The following ATAT1 variants were observed in gnomAD, a reference collection of about 807,000 sequenced individuals.
The protein encoded by ATAT1 is alpha tubulin acetyltransferase 1, also known as alpha-tubulin N-acetyltransferase 1.
Under a neutral mutation model 57.2 loss-of-function variants are expected in ATAT1, and 42 were observed. The ratio of observed to expected loss-of-function variants is 0.73; its 90% CI spans 0.57 to 0.95. The LOEUF (loss-of-function observed/expected upper bound fraction) is 0.95, where lower values mean the gene tolerates loss of function less well. Among genes scored for constraint, ATAT1 ranks in the 40% least tolerant of loss-of-function variants. The pLI, the probability that ATAT1 is intolerant of heterozygous loss-of-function variation, is 0.00. For synonymous variants in ATAT1, 168 were observed against 187.1 expected (o/e 0.90, Z 0.83); for missense variants, 454 against 523.7 (o/e 0.87, Z 1.30).
intron 6 of ATAT1, among the ~76,000 whole-genome samples, chr6:30,639,460 T>C (rs984627187): frequency 2.6e-5 from 4 of 151,688 alleles, no homozygotes; most frequent in Non-Finnish European, 4.4e-5. Flanking sequence ...ATTCTGTAGA[T>C]TGTCTTTTCA....
chr6:30,629,555 A>G (rs1762395249), intron 6 of ATAT1, among the ~76,000 whole-genome samples: 1 of 141,324 alleles, frequency 7.1e-6, no homozygotes, highest in South Asian at 2.2e-4. Flanking sequence ...CTTATGCCTA[A>G]TTTTTTTTTG....
At chr6:30,633,370 C>G (rs1220273703) in intron 6 of ATAT1, among the ~76,000 whole-genome samples, 1 of 152,078 alleles carries the variant, frequency 6.6e-6, no homozygotes, top group African/African-American at 2.4e-5. Flanking sequence ...TATCTAAAGC[C>G]AACAGACAGG....
chr6:30,635,364 C>T (rs948138874), intron 6 of ATAT1, among the ~76,000 whole-genome samples: 5 of 151,836 alleles, frequency 3.3e-5, no homozygotes, highest in Non-Finnish European at 5.9e-5. Context: ...TTTGGGAGGC[C>T]GAGTCGGGTG....
chr6:30,634,663 G>GA (rs9278741), intron 6 of ATAT1, among the ~76,000 whole-genome samples: 1,794 of 83,930 alleles, frequency 0.021, 24 homozygotes, highest in Non-Finnish European at 0.028. Context: ...CTCAAAGGAG[G>GA]AAAAAAAAAA....
intron 6 of ATAT1, among the ~76,000 whole-genome samples, chr6:30,638,600 GTCTC>G (rs1311897314): frequency 1.3e-5 from 2 of 150,526 alleles, no homozygotes; most frequent in South Asian, 2.1e-4. Flanking sequence ...TTGAGACGGA[GTCTC>G]TCTCTGTCGC....
chr6:30,642,833 G>GGGGCCCCCCCCCC lies in ATAT1; in HGVS notation c.754_755insGGGCCCCCCCCCC (p.Ala252GlyfsTer52). 4 of 1,537,872 alleles carry GGGGCCCCCCCCCC rather than the reference G, an allele frequency of 2.6e-6. No homozygotes were observed. Among genetic ancestry groups the GGGGCCCCCCCCCC allele is most frequent in the Non-Finnish European group, 3.5e-6 (4 of 1,145,778 alleles). ...GGCCCCTCGCCGCGCCACACCTCCA[G>GGGGCCCCCCCCCC]CCCACCCACCCCCCCGCTCCAGCAG... is the stretch of plus-strand genomic sequence containing the variant. On this transcript the variant is annotated frameshift_variant, in exon 10 of 13. Transcript: ENST00000330083. LOFTEE classifies it high-confidence loss of function.
intron 6 of ATAT1, among the ~76,000 whole-genome samples, chr6:30,635,258 A>G (rs550942828): frequency 6.6e-6 from 1 of 152,314 alleles, no homozygotes; most frequent in African/African-American, 2.4e-5. Context: ...GAAGTTAAGG[A>G]AGAGAAGAAG....
intron 6 of ATAT1, among the ~76,000 whole-genome samples, chr6:30,631,939 G>A (rs1415899890): frequency 2.0e-5 from 3 of 152,146 alleles, no homozygotes; most frequent in Non-Finnish European, 4.4e-5. Context: ...GAGTATGGTA[G>A]GAGATGAGAC....
chr6:30,639,065 C>T (rs1347469115), intron 6 of ATAT1, among the ~76,000 whole-genome samples: 1 of 152,088 alleles, frequency 6.6e-6, no homozygotes, highest in Admixed American at 6.6e-5. Context: ...ACTGCAACCT[C>T]CGCCTCCTGG....
At chr6:30,632,940 CAA>C (rs9257002) in intron 6 of ATAT1, among the ~76,000 whole-genome samples, 3,626 of 127,210 alleles carry the variant, frequency 0.029, 118 homozygotes, top group African/African-American at 0.085. Context: ...GACCCCATAT[CAA>C]AAAAAAAAAA....
At chr6:30,632,680 G>A in intron 6 of ATAT1, among the ~76,000 whole-genome samples, 1 of 152,040 alleles carries the variant, frequency 6.6e-6, no homozygotes, top group Non-Finnish European at 1.5e-5. Context: ...GCTCACACCT[G>A]TAATCCTAGC....
chr6:30,646,762 C>G lies in ATAT1; in HGVS notation c.*119C>G, dbSNP rs1225594201. The G allele has an allele frequency of 7.4e-7, 1 of 1,346,408 alleles. No homozygotes were observed. Among genetic ancestry groups the G allele is most frequent in the African/African-American group, 1.5e-5 (1 of 67,096 alleles). The allele number at this position is 1,346,408 out of a possible 1,614,324, so 83.4% of individuals were successfully genotyped here. On this transcript the variant is annotated 3_prime_UTR_variant, in exon 13 of 13. Coordinates refer to ENST00000330083, the MANE Select transcript of ATAT1 (RefSeq NM_001031722.4). ...TCATTCATTCATTCAGCAGGCTTAT[C>G]AGATTCAAGTCATTTGTATCTTTTA...
chr6:30,630,182 G>T (rs913924041), intron 6 of ATAT1, among the ~76,000 whole-genome samples: 1 of 152,032 alleles, frequency 6.6e-6, no homozygotes, highest in African/African-American at 2.4e-5. Context: ...TTAGCCAGGC[G>T]TGGTGGCACG....
intron 6 of ATAT1, among the ~76,000 whole-genome samples, chr6:30,637,326 A>C (rs183017771): frequency 6.6e-6 from 1 of 152,166 alleles, no homozygotes; most frequent in Admixed American, 6.5e-5. Flanking sequence ...AGTAAATAGT[A>C]GAGTCCACAT....
intron 6 of ATAT1, among the ~76,000 whole-genome samples, chr6:30,637,736 G>A (rs945644831): frequency 3.3e-5 from 5 of 151,068 alleles, no homozygotes; most frequent in Admixed American, 1.3e-4. Flanking sequence ...CCAGCACTTT[G>A]GAAGGCCAAG....
At chr6:30,630,113 C>T (rs1447877165) in intron 6 of ATAT1, among the ~76,000 whole-genome samples, 1 of 151,982 alleles carries the variant, frequency 6.6e-6, no homozygotes, top group Non-Finnish European at 1.5e-5. Flanking sequence ...CTCAATGAAA[C>T]AGACAACAGC....
chr6:30,632,159 T>C lies in ATAT1; in HGVS notation c.501+3729T>C, dbSNP rs999873804. Among the ~76,000 whole-genome samples, 33 of 151,260 alleles carry C rather than the reference T, an allele frequency of 2.2e-4. 1 individual carries two copies. Among genetic ancestry groups the C allele is most frequent in the Admixed American group, 1.5e-3 (23 of 15,140 alleles). ...GCAGGTGCCTGTAATCCCAGCTGTT[T>C]GGGAGTCTGAGGCAGGAGAATCACT... On this transcript the variant is annotated intron_variant, in intron 6 of 12. Coordinates refer to ENST00000330083, the MANE Select transcript of ATAT1 (RefSeq NM_001031722.4).
chr6:30,644,395 G>C (rs1415559514), intron 10 of ATAT1: 2 of 985,676 alleles, frequency 2.0e-6, no homozygotes, highest in African/African-American at 1.7e-5. Flanking sequence ...TGAGATGGGG[G>C]ACCACTCTTC....
chr6:30,643,022 T>C lies in ATAT1; in HGVS notation c.932+11T>C, dbSNP rs187960742. On this transcript the variant is annotated intron_variant, in intron 10 of 12. Transcript: ENST00000330083. The stretch of plus-strand genomic sequence containing the variant: ...ACGTCGTCGCACCAGGTAATAGGAG[T>C]TGAAGGGCTAAGGAGCCTCACAGCT... 1 of 1,603,752 alleles carries C rather than the reference T, an allele frequency of 6.2e-7. No homozygotes were observed. Among genetic ancestry groups the C allele is most frequent in the South Asian group, 1.1e-5 (1 of 90,260 alleles).
Sources: gnomAD v4.1 joint callset for allele counts (sites outside exome capture counted in the v4.1 genomes callset) on GRCh38, gnomAD v4.1.1 for gene constraint, MANE v1.5 for transcripts, NCBI Gene and HGNC (gene_info 2026-07-23, HGNC 2026-07-21) for gene names.